Variants in KAT6B observed in about 807,000 individuals in gnomAD.
KAT6B encodes the protein lysine acetyltransferase 6B.
KAT6B carries 10 observed loss-of-function variants against 187.5 expected under a neutral mutation model. The ratio of observed to expected loss-of-function variants is 0.05; its 90% CI spans 0.03 to 0.09. The LOEUF is 0.09. Among genes scored for constraint, KAT6B ranks in the 10% least tolerant of loss-of-function variants. The probability of loss-of-function intolerance (pLI) is 1.00; values close to 1 mark genes in which losing one functional copy is unlikely to be tolerated. For synonymous variants in KAT6B, 861 were observed against 926.8 expected (o/e 0.93, Z 1.29); for missense variants, 1,952 against 2,558.9 (o/e 0.76, Z 5.12).
chr10:74,957,361 C>T (rs146165606), intron 3 of KAT6B, among the ~76,000 whole-genome samples: 65 of 152,356 alleles, frequency 4.3e-4, no homozygotes, highest in South Asian at 3.1e-3. Context: ...TGTGAGCATA[C>T]ATCAGCATGG....
intron 3 of KAT6B, 59 bp from the exon 4 acceptor site, chr10:74,959,911 A>T (rs1589707300): frequency 8.7e-7 from 1 of 1,149,394 alleles, no homozygotes; most frequent in Non-Finnish European, 1.3e-6. Context: ...TTTTGATTTT[A>T]ATGTTTTTAC....
At chr10:74,890,259 AC>A (rs1845556517) in intron 3 of KAT6B, among the ~76,000 whole-genome samples, 1 of 151,450 alleles carries the variant, frequency 6.6e-6, no homozygotes, top group Non-Finnish European at 1.5e-5. Context: ...CTAGTCTTGA[AC>A]TCCTGACCTC....
At chr10:75,022,733 C>T (rs1180991032) in intron 16 of KAT6B, among the ~76,000 whole-genome samples, 1 of 152,130 alleles carries the variant, frequency 6.6e-6, no homozygotes, top group Non-Finnish European at 1.5e-5. Context: ...GAGTTCAAGA[C>T]CAGCCTGGCT....
At chr10:74,905,583 T>C (rs1028340426) in intron 3 of KAT6B, among the ~76,000 whole-genome samples, 5 of 152,152 alleles carry the variant, frequency 3.3e-5, no homozygotes, top group African/African-American at 1.2e-4. Context: ...CATTCCCCCA[T>C]TTAACTCAGT....
intron 4 of KAT6B, among the ~76,000 whole-genome samples, chr10:74,965,440 A>G (rs1841392756): frequency 6.6e-6 from 1 of 152,196 alleles, no homozygotes; most frequent in South Asian, 2.1e-4. Context: ...GGTGGGAACC[A>G]TGCCTCTCCT....
At chr10:74,907,485 A>G (rs1034127634) in intron 3 of KAT6B, among the ~76,000 whole-genome samples, 1 of 152,064 alleles carries the variant, frequency 6.6e-6, no homozygotes, top group African/African-American at 2.4e-5. Context: ...TCTTCAGTGC[A>G]GTCATTTGCT....
chr10:74,972,709 C>T (rs1490733390), intron 7 of KAT6B, 70 bp downstream of exon 7: 3 of 1,413,518 alleles, frequency 2.1e-6, no homozygotes, highest in African/African-American at 2.8e-5. Flanking sequence ...GTTATTCTCT[C>T]AGATTCCTTT....
At chr10:74,990,392 G>T (rs768173531) in intron 13 of KAT6B, among the ~76,000 whole-genome samples, 12 of 151,726 alleles carry the variant, frequency 7.9e-5, no homozygotes, top group Admixed American at 6.6e-5. Context: ...AAGAAATATA[G>T]TGAATCTAAA....
Position 74,970,078 on chromosome 10 carries a change from C to T in KAT6B, c.905C>T (p.Pro302Leu). ...DRGFHMECCD[P>L]PLSRMPKGMW... is the part of the protein sequence containing the mutation. ...GGATTTCATATGGAATGCTGTGACC[C>T]ACCACTTTCCAGAATGCCAAAAGGT... Residue 302 changes from proline to leucine, a missense_variant, in exon 6 of 18, where the codon CCA becomes CTA. By Grantham distance (98) the Pro-to-Leu change is moderately conservative (BLOSUM62 -3). Coordinates refer to ENST00000287239, the MANE Select transcript of KAT6B (RefSeq NM_012330.4). 6.2e-7 allele frequency: 1 copy of T among 1,611,498 alleles called. No homozygotes were observed. Among genetic ancestry groups the T allele is most frequent in the Non-Finnish European group, 8.5e-7 (1 of 1,177,812 alleles).
chr10:75,001,562 A>C (rs1294467034), intron 13 of KAT6B, among the ~76,000 whole-genome samples: 2 of 152,216 alleles, frequency 1.3e-5, no homozygotes. Flanking sequence ...TGATGGCTAA[A>C]TACAGAAGTA....
chr10:74,995,114 T>C (rs182059814), intron 13 of KAT6B, among the ~76,000 whole-genome samples: 3 of 152,310 alleles, frequency 2.0e-5, no homozygotes, highest in South Asian at 2.1e-4. Flanking sequence ...AATATACTTA[T>C]GTGCTACACC....
intron 13 of KAT6B, among the ~76,000 whole-genome samples, chr10:74,992,721 T>C (rs2133895357): frequency 6.6e-6 from 1 of 152,344 alleles, no homozygotes; most frequent in Middle Eastern, 3.4e-3. Context: ...TGGTCATCCA[T>C]GGGACCATGT....
chr10:74,918,911 G>C (rs1180353751), intron 3 of KAT6B, among the ~76,000 whole-genome samples: 2 of 151,708 alleles, frequency 1.3e-5, no homozygotes, highest in Non-Finnish European at 2.9e-5. Flanking sequence ...CTTTTCCCTG[G>C]CTGTCTTTAA....
chr10:74,954,129 A>G (rs1198526215), intron 3 of KAT6B, among the ~76,000 whole-genome samples: 1 of 152,242 alleles, frequency 6.6e-6, no homozygotes, highest in Non-Finnish European at 1.5e-5. Context: ...GTGAAATTGT[A>G]TACTGTTGTG....
chr10:74,989,913 C>T (rs745738151), intron 13 of KAT6B, among the ~76,000 whole-genome samples: 85 of 152,090 alleles, frequency 5.6e-4, no homozygotes, highest in Admixed American at 1.1e-3. Context: ...AAATCTGTCA[C>T]TGGCCGGGCG....
At chr10:75,017,854 G>A (rs111658060) in intron 13 of KAT6B, among the ~76,000 whole-genome samples, 46 of 152,360 alleles carry the variant, frequency 3.0e-4, no homozygotes, top group African/African-American at 1.0e-3. Flanking sequence ...CATTTAACTA[G>A]TAAGGAATCA....
intron 13 of KAT6B, among the ~76,000 whole-genome samples, chr10:74,994,150 C>T (rs1843277561): frequency 6.6e-6 from 1 of 152,094 alleles, no homozygotes. Context: ...CTACAACTTA[C>T]TAATTGGCAT....
At chr10:74,904,139 A>G (rs906435076) in intron 3 of KAT6B, among the ~76,000 whole-genome samples, 2 of 152,210 alleles carry the variant, frequency 1.3e-5, no homozygotes, top group East Asian at 1.9e-4. Flanking sequence ...CAATGTTTAG[A>G]TGGGTACTGC....
intron 9 of KAT6B, among the ~76,000 whole-genome samples, chr10:74,978,746 A>G (rs1233138217): frequency 1.3e-5 from 2 of 152,220 alleles, no homozygotes; most frequent in Non-Finnish European, 2.9e-5. Context: ...TGCAGATTTC[A>G]CAATTGATTA....
Sources: gnomAD v4.1 joint callset for allele counts (sites outside exome capture counted in the v4.1 genomes callset) on GRCh38, gnomAD v4.1.1 for gene constraint, MANE v1.5 for transcripts, NCBI Gene and HGNC (gene_info 2026-07-23, HGNC 2026-07-21) for gene names.